HNRNPUL1: variants seen among roughly 807,000 people sequenced by gnomAD.
HNRNPUL1 encodes heterogeneous nuclear ribonucleoprotein U like 1.
HNRNPUL1 carries 14 observed loss-of-function variants against 108.5 expected under a neutral mutation model. That is an observed-to-expected ratio of 0.13 (90% CI 0.09 to 0.20). HNRNPUL1 has a LOEUF of 0.20. HNRNPUL1 is among the 10% of genes least tolerant of loss of function. HNRNPUL1 has a pLI of 1.00. For synonymous variants in HNRNPUL1, 422 were observed against 445.2 expected (o/e 0.95, Z 0.66); for missense variants, 804 against 1,168.3 (o/e 0.69, Z 4.55).
intron 2 of HNRNPUL1, among the ~76,000 whole-genome samples, chr19:41,270,934 G>A (rs77372279): frequency 0.028 from 4,320 of 152,196 alleles, 104 homozygotes; most frequent in Middle Eastern, 0.044. Context: ...TGGCTTGTCC[G>A]ATGGCAGAGC....
chr19:41,265,096 G>A (rs2034736861), intron 1 of HNRNPUL1: 1 of 1,416,324 alleles, frequency 7.1e-7, no homozygotes, highest in Non-Finnish European at 9.2e-7. Context: ...GCTTTCTGGA[G>A]CCGAAGAGAG....
chr19:41,306,191 T>C (rs1183112582), intron 14 of HNRNPUL1, among the ~76,000 whole-genome samples: 1 of 152,188 alleles, frequency 6.6e-6, no homozygotes, highest in Non-Finnish European at 1.5e-5. Flanking sequence ...CCATACCTGT[T>C]ACTAAATCTT....
chr19:41,287,213 A>G (rs962559184), intron 7 of HNRNPUL1, among the ~76,000 whole-genome samples: 5 of 151,742 alleles, frequency 3.3e-5, no homozygotes, highest in African/African-American at 1.2e-4. Context: ...ACAGGGTTTC[A>G]CCATGTTGGT....
At chr19:41,291,499 G>C (rs1031212771) in intron 7 of HNRNPUL1, among the ~76,000 whole-genome samples, 2 of 151,998 alleles carry the variant, frequency 1.3e-5, no homozygotes, top group South Asian at 2.1e-4. Context: ...GTCTCTTTCT[G>C]TTACCCAGGC....
intron 1 of HNRNPUL1, chr19:41,265,493 G>A: frequency 9.7e-7 from 1 of 1,033,770 alleles, no homozygotes. Context: ...TCCGGGGCTG[G>A]AAGGCCACCC....
intron 10 of HNRNPUL1, among the ~76,000 whole-genome samples, chr19:41,297,008 T>A (rs1324839568): frequency 4.6e-5 from 7 of 152,196 alleles, no homozygotes; most frequent in African/African-American, 1.7e-4. Flanking sequence ...TGGCCAGGAC[T>A]CTAACTCCTA....
intron 13 of HNRNPUL1, among the ~76,000 whole-genome samples, chr19:41,305,371 T>C (rs2037478530): frequency 6.6e-6 from 1 of 152,216 alleles, no homozygotes; most frequent in African/African-American, 2.4e-5. Context: ...TCTTGTTCTA[T>C]TGTGATTCTC....
chr19:41,305,678 G>C lies in HNRNPUL1; in HGVS notation c.2265G>C (p.Pro755=), dbSNP rs781717921. The C allele has an allele frequency of 6.2e-7, 1 of 1,613,884 alleles. No individual in the cohort carries two copies. Among genetic ancestry groups the C allele is most frequent in the Non-Finnish European group, 8.5e-7 (1 of 1,179,952 alleles). ...PTVSSYSPPQ[P]SYSQPPYNQG... The stretch of plus-strand genomic sequence containing the variant: ...GCTTTTTTCCCTCCACTTTCCAGCC[G>C]AGTTACAGCCAGCCACCCTACAACC... Residue 755 remains proline (P), a splice_region_variant and synonymous_variant, in exon 14 of 15, where the codon CCG becomes CCC. Transcript: ENST00000392006.
chr19:41,274,729 C>T (rs2035447501), intron 4 of HNRNPUL1, among the ~76,000 whole-genome samples: 2 of 152,224 alleles, frequency 1.3e-5, no homozygotes, highest in African/African-American at 4.8e-5. Flanking sequence ...GAGAACACTG[C>T]ACTTCTCAAC....
At position 41,304,109 on chromosome 19, in the gene HNRNPUL1, C is replaced by T; in HGVS notation, c.2110C>T (p.Pro704Ser). ...QQPPPQQPPP[P>S]QPPPQQPPPP... is the part of the protein sequence containing the mutation. The stretch of plus-strand genomic sequence containing the variant: ...GCCGCCACCACAGCAGCCTCCGCCA[C>T]CACAGCCACCACCCCAGCAGCCACC... Residue 704 changes from proline to serine, a missense_variant, in exon 13 of 15, where the codon CCA becomes TCA. Physicochemically the swap from Pro to Ser is moderately conservative, Grantham distance 74 (BLOSUM62 -1). Transcript: ENST00000392006. 1 of 1,613,476 alleles carries T rather than the reference C, an allele frequency of 6.2e-7. No individual in the cohort carries two copies.
intron 5 of HNRNPUL1, among the ~76,000 whole-genome samples, chr19:41,277,546 G>T (rs2035642496): frequency 6.6e-6 from 1 of 152,090 alleles, no homozygotes; most frequent in African/African-American, 2.4e-5. Flanking sequence ...CACTCTTGTT[G>T]TCCAGGCTGG....
chr19:41,275,705 G>C (rs1017664461), intron 4 of HNRNPUL1, among the ~76,000 whole-genome samples: 1 of 152,188 alleles, frequency 6.6e-6, no homozygotes, highest in African/African-American at 2.4e-5. Context: ...AGGTTGAGGG[G>C]TGTGCTGGTT....
chr19:41,292,711 T>G lies in HNRNPUL1; in HGVS notation c.1266+200T>G, dbSNP rs1181064725. On this transcript the variant is annotated intron_variant, in intron 8 of 14. Coordinates refer to ENST00000392006, the MANE Select transcript of HNRNPUL1 (RefSeq NM_007040.6). This position sits in a 1 kb window ranked among gnomAD's most constrained non-coding sequence, Gnocchi z 4.1. Reference sequence around the variant, plus strand: ...GGTGTTGGTGTGACCTAAGTTGAAGTCGGAGAGGCTACCTAAATCTCAGAA... The same window carrying G: ...GGTGTTGGTGTGACCTAAGTTGAAGGCGGAGAGGCTACCTAAATCTCAGAA... 6.6e-6 allele frequency among the ~76,000 whole-genome samples: 1 copy of G among 151,956 alleles called. No homozygotes were observed. Among genetic ancestry groups the G allele is most frequent in the Non-Finnish European group, 1.5e-5 (1 of 67,978 alleles).
At chr19:41,265,219 GGGGTGGGGAGCCGTGTTTCCA>G (rs1208341920) in intron 1 of HNRNPUL1, 27 of 1,519,460 alleles carry the variant, frequency 1.8e-5, no homozygotes, top group Non-Finnish European at 2.3e-5. Flanking sequence ...TGTGGGCTGG[GGGGTGGGGAGCCGTGTTTCCA>G]GGGTGGGGAA....
rs2036636708 is a variant in HNRNPUL1 at position 41,292,400 on chromosome 19, G to C, written c.1155G>C (p.Gln385His). 6.2e-7 allele frequency: 1 copy of C among 1,614,242 alleles called. No individual in the cohort carries two copies. Among genetic ancestry groups the C allele is most frequent in the Non-Finnish European group, 8.5e-7 (1 of 1,180,046 alleles). ...GCGCAGTGGAGTTCAACTTCGGACA[G>C]AGAGCAGAGCCCTACTGTTCTGTCC... Reference protein sequence around the residue: ...KNCAVEFNFGQRAEPYCSVLP... With the variant: ...KNCAVEFNFGHRAEPYCSVLP... The change falls in exon 8 of 15, where the codon CAG becomes CAC. Residue 385 changes from glutamine to histidine, a missense_variant. Physicochemically the swap from Gln to His is conservative, Grantham distance 24 (BLOSUM62 0). Around this residue, in one of 4 missense-constraint regions of HNRNPUL1, gnomAD observed 174 missense variants for 296.6 expected, o/e 0.59. Transcript: ENST00000392006. This position sits in a 1 kb window ranked among gnomAD's most constrained non-coding sequence, Gnocchi z 4.1.
chr19:41,302,446 T>C, intron 11 of HNRNPUL1: 4 of 621,728 alleles, frequency 6.4e-6, no homozygotes, highest in East Asian at 3.4e-5. Context: ...CTTGAACTCC[T>C]GACCTCAGGT....
chr19:41,265,779 G>A (rs1187440764), intron 1 of HNRNPUL1, among the ~76,000 whole-genome samples: 1 of 152,054 alleles, frequency 6.6e-6, no homozygotes, highest in African/African-American at 2.4e-5. Flanking sequence ...CATTCCAAGT[G>A]GATGAAATAT....
At chr19:41,284,543 G>A (rs1467816168) in intron 7 of HNRNPUL1, among the ~76,000 whole-genome samples, 6 of 152,010 alleles carry the variant, frequency 3.9e-5, no homozygotes, top group African/African-American at 9.7e-5. Flanking sequence ...GGTGATGCAC[G>A]CCTGTAGTCC....
intron 7 of HNRNPUL1, among the ~76,000 whole-genome samples, chr19:41,286,862 G>A (rs748951624): frequency 2.0e-4 from 30 of 151,442 alleles, no homozygotes; most frequent in African/African-American, 6.6e-4. Context: ...GGATTAAGGC[G>A]CCTGCCACCA....
Sources: allele counts gnomAD v4.1 joint callset (sites outside exome capture counted in the v4.1 genomes callset), GRCh38; gene constraint gnomAD v4.1.1; regional missense constraint gnomAD v4.1.1; non-coding constraint Gnocchi (gnomAD v3.1); transcripts MANE v1.5; gene names NCBI Gene and HGNC (gene_info 2026-07-23, HGNC 2026-07-21).